Variants in PAK1 observed in about 807,000 individuals in gnomAD.
PAK1 encodes p21 (RAC1) activated kinase 1, also known as serine/threonine-protein kinase PAK 1.
A neutral mutation model predicts 67.4 loss-of-function variants in PAK1; 29 were observed. The ratio of observed to expected loss-of-function variants is 0.43; its 90% CI spans 0.32 to 0.59. PAK1 has a LOEUF of 0.59. PAK1 is among the 20% of genes least tolerant of loss of function. The pLI, the probability that PAK1 is intolerant of heterozygous loss-of-function variation, is 0.07. For synonymous variants in PAK1, 223 were observed against 237.4 expected, an observed-to-expected ratio of 0.94 and a Z score of 0.56; for missense variants, 337 against 670.7, an observed-to-expected ratio of 0.50 and a Z score of 5.50.
chr11:77,352,823 C>A (rs1945455747), intron 8 of PAK1, among the ~76,000 whole-genome samples: 1 of 152,136 alleles, frequency 6.6e-6, no homozygotes, highest in Admixed American at 6.6e-5. Context: ...GAGGCTATAC[C>A]ATATAGCCTA....
At chr11:77,366,189 G>A (rs1034231991) in intron 5 of PAK1, among the ~76,000 whole-genome samples, 1 of 152,102 alleles carries the variant, frequency 6.6e-6, no homozygotes, top group African/African-American at 2.4e-5. Context: ...TATCAGACCT[G>A]ATTTACAAGA....
the PAK1 span, among the ~76,000 whole-genome samples, chr11:77,481,193 AACT>A: frequency 6.6e-6 from 1 of 152,214 alleles, no homozygotes; most frequent in Non-Finnish European, 1.5e-5. Context: ...CAAGTATATT[AACT>A]ACATCGTTCC....
the PAK1 span, among the ~76,000 whole-genome samples, chr11:77,521,762 G>A: frequency 6.6e-6 from 1 of 152,160 alleles, no homozygotes; most frequent in Non-Finnish European, 1.5e-5. Context: ...AACCTCCAGG[G>A]CATCCTATTT....
intron 1 of PAK1, among the ~76,000 whole-genome samples, chr11:77,469,858 T>C (rs991910410): frequency 6.6e-6 from 1 of 152,306 alleles, no homozygotes; most frequent in African/African-American, 2.4e-5. Context: ...ATTGTACATA[T>C]TTATGATATT....
intron 7 of PAK1, among the ~76,000 whole-genome samples, chr11:77,355,027 C>A (rs951088742): frequency 6.6e-6 from 1 of 152,152 alleles, no homozygotes; most frequent in Non-Finnish European, 1.5e-5. Context: ...CTTACAGGAA[C>A]AAAAACTGTG....
At chr11:77,385,211 A>C (rs1174555914) in intron 2 of PAK1, among the ~76,000 whole-genome samples, 3 of 152,224 alleles carry the variant, frequency 2.0e-5, no homozygotes, top group Non-Finnish European at 4.4e-5. Context: ...GGTATTAACC[A>C]GTGCAATTAG....
At chr11:77,525,552 T>A in the PAK1 span, among the ~76,000 whole-genome samples, 1 of 152,286 alleles carries the variant, frequency 6.6e-6, no homozygotes, top group East Asian at 1.9e-4. Context: ...AAGCCTTACA[T>A]CATGAATGAC....
At chr11:77,383,656 A>G (rs1285742210) in intron 2 of PAK1, among the ~76,000 whole-genome samples, 3 of 152,052 alleles carry the variant, frequency 2.0e-5, no homozygotes, top group Non-Finnish European at 2.9e-5. Context: ...CTGAGTATTC[A>G]CCAGTTGGGG....
chr11:77,438,032 G>T (rs1956204759), intron 1 of PAK1, among the ~76,000 whole-genome samples: 1 of 151,864 alleles, frequency 6.6e-6, no homozygotes. Context: ...GGACTACCCA[G>T]TTTGAAAACA....
At chr11:77,400,417 G>T (rs778364800) in intron 1 of PAK1, among the ~76,000 whole-genome samples, 7 of 152,158 alleles carry the variant, frequency 4.6e-5, no homozygotes, top group Non-Finnish European at 1.0e-4. Flanking sequence ...TAAAAGATGG[G>T]GCTTTTAATT....
At chr11:77,419,299 T>C (rs1481373023) in intron 1 of PAK1, among the ~76,000 whole-genome samples, 1 of 152,214 alleles carries the variant, frequency 6.6e-6, no homozygotes, top group African/African-American at 2.4e-5. Flanking sequence ...GTTATACAAG[T>C]TAGCAGTTAA....
intron 5 of PAK1, among the ~76,000 whole-genome samples, chr11:77,368,029 T>C (rs1947847650): frequency 6.6e-6 from 1 of 152,152 alleles, no homozygotes; most frequent in African/African-American, 2.4e-5. Flanking sequence ...GGAGGTTCCA[T>C]GAAGAGATAA....
intron 5 of PAK1, among the ~76,000 whole-genome samples, chr11:77,364,541 T>C (rs112881198): frequency 0.019 from 2,826 of 152,210 alleles, 88 homozygotes; most frequent in African/African-American, 0.063. Flanking sequence ...AGTAAGATAA[T>C]ACAAAACCAA....
intron 1 of PAK1, among the ~76,000 whole-genome samples, chr11:77,472,603 C>T (rs991581743): frequency 1.3e-5 from 2 of 152,182 alleles, no homozygotes; most frequent in Non-Finnish European, 2.9e-5. Context: ...TAGATGAAGC[C>T]ACAGGGTAAG....
intron 1 of PAK1, among the ~76,000 whole-genome samples, chr11:77,441,888 C>T (rs961521158): frequency 6.6e-6 from 1 of 152,220 alleles, no homozygotes; most frequent in Non-Finnish European, 1.5e-5. Context: ...CACCAGGTAA[C>T]ACCCAATAGC....
chr11:77,432,872 C>T (rs1955926880), intron 1 of PAK1, among the ~76,000 whole-genome samples: 4 of 148,134 alleles, frequency 2.7e-5, no homozygotes, highest in Admixed American at 6.7e-5. Flanking sequence ...AAAAGAAAAA[C>T]AGAAGTGTAA....
chr11:77,324,948 A>G (rs7130968), intron 14 of PAK1, among the ~76,000 whole-genome samples: 6,110 of 152,294 alleles, frequency 0.04, 396 homozygotes, highest in African/African-American at 0.14. Flanking sequence ...TCCTAGCTAA[A>G]TCATGAAGAT....
At chr11:77,450,912 T>G (rs556739299) in intron 1 of PAK1, among the ~76,000 whole-genome samples, 36 of 152,202 alleles carry the variant, frequency 2.4e-4, no homozygotes, top group Middle Eastern at 3.4e-3. Context: ...GCAGAAGAGC[T>G]TGCCTATGTG....
chr11:77,514,332 G>C, the PAK1 span, among the ~76,000 whole-genome samples: 1 of 151,892 alleles, frequency 6.6e-6, no homozygotes, highest in African/African-American at 2.4e-5. Flanking sequence ...CATCTCTACT[G>C]AAAATACAAA....
Sources: allele counts gnomAD v4.1 joint callset (sites outside exome capture counted in the v4.1 genomes callset), GRCh38; gene constraint gnomAD v4.1.1; transcripts MANE v1.5; gene names NCBI Gene and HGNC (gene_info 2026-07-23, HGNC 2026-07-21).